The following ACACA variants were observed in gnomAD, a reference collection of about 807,000 sequenced individuals.
The protein encoded by ACACA is acetyl-CoA carboxylase 1.
Under a neutral mutation model 296.1 loss-of-function variants are expected in ACACA, and 103 were observed. That is an observed-to-expected ratio of 0.35 (90% CI 0.30 to 0.41). The LOEUF is 0.41. Among genes scored for constraint, ACACA ranks in the 10% least tolerant of loss-of-function variants. The pLI, the probability that ACACA is intolerant of heterozygous loss-of-function variation, is 1.00. For synonymous variants in ACACA, 953 were observed against 1,038.6 expected, an observed-to-expected ratio of 0.92 and a Z score of 1.58; for missense variants, 1,554 against 2,989.7, an observed-to-expected ratio of 0.52 and a Z score of 11.20.
intron 50 of ACACA, among the ~76,000 whole-genome samples, chr17:37,121,107 C>T (rs915213219): frequency 3.8e-4 from 58 of 152,250 alleles, no homozygotes; most frequent in Middle Eastern, 3.4e-3. Flanking sequence ...TCTGTGAGAG[C>T]GAGATCCACA....
At chr17:37,134,930 G>C (rs1343746649) in intron 45 of ACACA, among the ~76,000 whole-genome samples, 1 of 152,022 alleles carries the variant, frequency 6.6e-6, no homozygotes, top group Non-Finnish European at 1.5e-5. Context: ...AAAGAGAACA[G>C]ATATGAGAAA....
At chr17:37,157,756 G>A (rs1053223162) in intron 42 of ACACA, among the ~76,000 whole-genome samples, 19 of 151,906 alleles carry the variant, frequency 1.3e-4, no homozygotes, top group Admixed American at 8.5e-4. Flanking sequence ...GGCTGTTCTC[G>A]AACTCCTGAC....
chr17:37,171,290 C>T (rs112327593), intron 41 of ACACA, among the ~76,000 whole-genome samples: 1 of 152,088 alleles, frequency 6.6e-6, no homozygotes, highest in Non-Finnish European at 1.5e-5. Context: ...AGCGCTAACC[C>T]AGACTTGGGC....
chr17:37,135,015 G>C (rs1256794548), intron 45 of ACACA, among the ~76,000 whole-genome samples: 2 of 152,182 alleles, frequency 1.3e-5, no homozygotes, highest in African/African-American at 4.8e-5. Flanking sequence ...GAGGAAAAGG[G>C]AGGGGGAGAG....
At chr17:37,396,706 A>G (rs2051092999) in intron 1 of ACACA, among the ~76,000 whole-genome samples, 1 of 152,158 alleles carries the variant, frequency 6.6e-6, no homozygotes, top group African/African-American at 2.4e-5. Context: ...TGTACTTATG[A>G]CTAAAGGCCA....
At chr17:37,183,797 G>GAA (rs1371307787) in intron 39 of ACACA, among the ~76,000 whole-genome samples, 2 of 102,156 alleles carry the variant, frequency 2.0e-5, no homozygotes, top group African/African-American at 7.2e-5. Context: ...ATCTCAAAAG[G>GAA]AAAAAAAAAA....
Position 37,261,232 on chromosome 17 carries a change from T to C in ACACA, c.1330-1702A>G, listed in dbSNP as rs528034034. On this transcript the variant is annotated intron_variant, in intron 11 of 55. Coordinates refer to ENST00000616317, the MANE Select transcript of ACACA (RefSeq NM_198834.3). ...CAAACAGAAAATGAGATTATCACCC[T>C]GAAGCAACTCAGTGTCAAAGATCAA... is the stretch of plus-strand genomic sequence containing the variant. 2.0e-5 allele frequency among the ~76,000 whole-genome samples: 3 copies of C among 152,334 alleles called. No individual in the cohort carries two copies. The East Asian group carries it at 5.8e-4, about 29-fold the overall frequency.
intron 29 of ACACA, among the ~76,000 whole-genome samples, chr17:37,215,907 C>T (rs2078959201): frequency 6.6e-6 from 1 of 152,032 alleles, no homozygotes; most frequent in South Asian, 2.1e-4. Context: ...ACAGAATCTT[C>T]AATGAGAGAA....
chr17:37,405,673 C>T (rs2147865830), intron 1 of ACACA, among the ~76,000 whole-genome samples: 1 of 152,140 alleles, frequency 6.6e-6, no homozygotes, highest in Non-Finnish European at 1.5e-5. Context: ...CTGCCTCAGC[C>T]TCCGGAGTAG....
At chr17:37,357,602 T>C (rs1265258011) in intron 1 of ACACA, among the ~76,000 whole-genome samples, 1 of 152,200 alleles carries the variant, frequency 6.6e-6, no homozygotes, top group African/African-American at 2.4e-5. Context: ...CACTTTAAAA[T>C]GTTTAATATT....
chr17:37,223,629 C>T (rs1414896906), intron 27 of ACACA, 28 bp from the exon 28 acceptor site: 1 of 1,492,602 alleles, frequency 6.7e-7, no homozygotes, highest in Non-Finnish European at 9.3e-7. Flanking sequence ...AGGCTTAAGC[C>T]TTACATCAAA....
At position 37,161,843 on chromosome 17, in the gene ACACA, G is replaced by A. The variant is rs754594600; in HGVS notation, c.5287C>T (p.Leu1763=). 1 of 1,614,078 alleles carries A rather than the reference G, an allele frequency of 6.2e-7. No individual in the cohort carries two copies. The change falls in exon 42 of 56, where the codon CTG becomes TTG. Residue 1763 remains leucine, a synonymous_variant. Coordinates refer to ENST00000616317, the MANE Select transcript of ACACA (RefSeq NM_198834.3). ...AACATATGGCGAATTTCTTCTGCCA[G>A]TCCGATTCTTGCTCCACTGTTGGCT... ...VSANSGARIG[L]AEEIRHMFHV...
intron 54 of ACACA, among the ~76,000 whole-genome samples, chr17:37,090,450 T>C (rs79405442): frequency 0.016 from 2,361 of 152,282 alleles, 61 homozygotes; most frequent in African/African-American, 0.052. Context: ...CCATTTCTTT[T>C]TCTGACTCAA....
At position 37,277,134 on chromosome 17, in the gene ACACA, A is replaced by C. The variant is rs778954323; in HGVS notation, c.721-20T>G. ...CACTGCCTGCAAGGGAATACAATATAATTCATTCTTAAAATTCATACAAAA... is the reference window on the plus strand; with the variant it reads ...CACTGCCTGCAAGGGAATACAATATCATTCATTCTTAAAATTCATACAAAA... On this transcript the variant is annotated intron_variant, in intron 6 of 55. Coordinates refer to ENST00000616317, the MANE Select transcript of ACACA (RefSeq NM_198834.3). The C allele has an allele frequency of 4.4e-6, 7 of 1,604,338 alleles. No homozygotes were observed. Among genetic ancestry groups the C allele is most frequent in the Non-Finnish European group, 5.1e-6 (6 of 1,171,182 alleles).
intron 1 of ACACA, among the ~76,000 whole-genome samples, chr17:37,363,478 G>A (rs2049492091): frequency 6.6e-6 from 1 of 151,814 alleles, no homozygotes; most frequent in Non-Finnish European, 1.5e-5. Context: ...ACTGGACCTG[G>A]CCGACTTTTT....
At chr17:37,276,451 G>A (rs1310865227) in intron 7 of ACACA, among the ~76,000 whole-genome samples, 2 of 152,038 alleles carry the variant, frequency 1.3e-5, no homozygotes, top group African/African-American at 2.4e-5. Flanking sequence ...TGGTCTTAGG[G>A]GAACCCAAAA....
intron 45 of ACACA, among the ~76,000 whole-genome samples, chr17:37,136,626 TTGG>T: frequency 6.6e-6 from 1 of 151,922 alleles, no homozygotes; most frequent in Non-Finnish European, 1.5e-5. Context: ...TCATCAACAC[TTGG>T]TATTTGTCAA....
intron 16 of ACACA, among the ~76,000 whole-genome samples, chr17:37,250,395 T>C (rs1407952337): frequency 1.3e-5 from 2 of 152,188 alleles, no homozygotes; most frequent in Admixed American, 6.5e-5. Flanking sequence ...ATTCCAGCTA[T>C]TTGGGAGGCC....
chr17:37,220,988 G>A (rs1384600798), intron 29 of ACACA, among the ~76,000 whole-genome samples: 1 of 152,222 alleles, frequency 6.6e-6, no homozygotes, highest in Admixed American at 6.5e-5. Context: ...TAAAAAGAAT[G>A]AAAGTACAGG....
Sources: gnomAD v4.1 joint callset for allele counts (sites outside exome capture counted in the v4.1 genomes callset) on GRCh38, gnomAD v4.1.1 for gene constraint, MANE v1.5 for transcripts, NCBI Gene and HGNC (gene_info 2026-07-23, HGNC 2026-07-21) for gene names.